The following RAB3C variants were observed in gnomAD, a reference collection of about 807,000 sequenced individuals.
RAB3C encodes the protein RAB3C, member RAS oncogene family.
RAB3C carries 17 observed loss-of-function variants against 26.4 expected under a neutral mutation model. The observed-to-expected ratio is 0.64, with a 90% CI of 0.44 to 0.97. The LOEUF (loss-of-function observed/expected upper bound fraction) is 0.97. RAB3C is among the 50% of genes least tolerant of loss of function. The pLI is 0.00. For synonymous variants in RAB3C, 91 were observed against 95.9 expected, an observed-to-expected ratio of 0.95 and a Z score of 0.30; for missense variants, 242 against 281.9, an observed-to-expected ratio of 0.86 and a Z score of 1.01.
intron 2 of RAB3C, among the ~76,000 whole-genome samples, chr5:58,659,809 C>G (rs1747861215): frequency 6.6e-6 from 1 of 152,176 alleles, no homozygotes; most frequent in East Asian, 1.9e-4. Flanking sequence ...TTTTCTTAAG[C>G]TTGTTTTGTT....
intron 4 of RAB3C, among the ~76,000 whole-genome samples, chr5:58,845,612 A>ATATATATATATATATATATATATG: frequency 1.2e-5 from 1 of 81,742 alleles, no homozygotes; most frequent in African/African-American, 5.8e-5. Flanking sequence ...ATATATATAT[A>ATATATATATATATATATATATATG]TGTGTGTGTG....
chr5:58,685,793 G>T (rs1303155220), intron 2 of RAB3C, among the ~76,000 whole-genome samples: 1 of 152,156 alleles, frequency 6.6e-6, no homozygotes, highest in Non-Finnish European at 1.5e-5. Context: ...TAAGTTCCGT[G>T]TTCTCTAAGG....
intron 2 of RAB3C, among the ~76,000 whole-genome samples, chr5:58,632,997 A>G (rs184076417): frequency 9.8e-5 from 15 of 152,342 alleles, no homozygotes; most frequent in Admixed American, 3.9e-4. Flanking sequence ...AGGTTCTAAT[A>G]CTATCTCTGT....
At chr5:58,637,423 T>C (rs141303437) in intron 2 of RAB3C, among the ~76,000 whole-genome samples, 5 of 152,268 alleles carry the variant, frequency 3.3e-5, no homozygotes, top group African/African-American at 1.2e-4. Flanking sequence ...GCTGGAACAG[T>C]AAAAGATCTG....
chr5:58,807,401 A>G (rs1344843440), intron 3 of RAB3C, among the ~76,000 whole-genome samples: 1 of 152,212 alleles, frequency 6.6e-6, no homozygotes, highest in East Asian at 1.9e-4. Flanking sequence ...TGAAAGCCCC[A>G]TGCTAAGTTG....
chr5:58,781,291 T>C (rs1025038889), intron 3 of RAB3C, among the ~76,000 whole-genome samples: 1 of 152,144 alleles, frequency 6.6e-6, no homozygotes, highest in African/African-American at 2.4e-5. Context: ...GTAGATATGA[T>C]TGGTTAAAAT....
intron 3 of RAB3C, chr5:58,814,809 T>C (rs754662875): frequency 3.3e-5 from 5 of 152,160 alleles, no homozygotes; most frequent in Non-Finnish European, 7.3e-5. Context: ...AAAATAGAAT[T>C]TGACATTTTA....
rs575118198 is a variant in RAB3C at position 58,756,843 on chromosome 5, T to C, written c.371+30723T>C. ...AACATTTTCTTTATCCAGTTTATCA[T>C]TGATGGGCATTTGGGTTGGCTCCAT... On this transcript the variant is annotated intron_variant, in intron 3 of 4. Transcript: ENST00000282878. Among the ~76,000 whole-genome samples the C allele has an allele frequency of 2.5e-3, 380 of 151,910 alleles. 1 individual carries two copies. The highest frequency in any genetic ancestry group is 8.6e-3 in the African/African-American group (355 of 41,386).
intron 1 of RAB3C, among the ~76,000 whole-genome samples, chr5:58,609,431 A>G (rs1309832286): frequency 1.3e-5 from 2 of 152,136 alleles, no homozygotes; most frequent in Non-Finnish European, 2.9e-5. Context: ...TAAAAGGGGG[A>G]TGCTAATGGT....
intron 3 of RAB3C, among the ~76,000 whole-genome samples, chr5:58,805,275 G>C (rs577061271): frequency 3.3e-5 from 5 of 152,152 alleles, no homozygotes; most frequent in African/African-American, 1.2e-4. Context: ...AGAATTAAGA[G>C]CCAAATGGGC....
intron 4 of RAB3C, among the ~76,000 whole-genome samples, chr5:58,841,832 C>T (rs1743882546): frequency 6.6e-6 from 1 of 152,084 alleles, no homozygotes; most frequent in Admixed American, 6.6e-5. Flanking sequence ...TTCAAATCAC[C>T]CTATGTGTGT....
rs899329023 is a variant in RAB3C at position 58,719,029 on chromosome 5, A to G, written c.253-6973A>G. 2.0e-5 allele frequency among the ~76,000 whole-genome samples: 3 copies of G among 152,142 alleles called. No homozygotes were observed. In the East Asian group the frequency reaches 5.8e-4, roughly 29 times the overall value. ...GAGAAGTATTAATGACATTACACAA[A>G]CAACATGGTGTGTAATAATTGAAAT... On this transcript the variant is annotated intron_variant, in intron 2 of 4. Coordinates refer to ENST00000282878, the MANE Select transcript of RAB3C (RefSeq NM_138453.4).
chr5:58,690,313 A>C (rs998627042), intron 2 of RAB3C, among the ~76,000 whole-genome samples: 1 of 152,190 alleles, frequency 6.6e-6, no homozygotes, highest in Non-Finnish European at 1.5e-5. Flanking sequence ...GTAACAAACT[A>C]TACCAAAACT....
chr5:58,737,499 G>T (rs1476524739), intron 3 of RAB3C, among the ~76,000 whole-genome samples: 1 of 142,230 alleles, frequency 7.0e-6, no homozygotes, highest in Admixed American at 7.2e-5. Flanking sequence ...AAGAATGCAG[G>T]CTTCTTGGGA....
At chr5:58,659,450 C>A (rs116561768) in intron 2 of RAB3C, among the ~76,000 whole-genome samples, 1 of 152,112 alleles carries the variant, frequency 6.6e-6, no homozygotes, top group African/African-American at 2.4e-5. Context: ...TTCTCCCTTT[C>A]GCCCCAGAGG....
At chr5:58,635,694 C>T (rs915290488) in intron 2 of RAB3C, among the ~76,000 whole-genome samples, 1 of 152,090 alleles carries the variant, frequency 6.6e-6, no homozygotes, top group Non-Finnish European at 1.5e-5. Flanking sequence ...CATACTTTAC[C>T]TCTAGAGTAG....
intron 3 of RAB3C, among the ~76,000 whole-genome samples, chr5:58,805,155 A>G (rs183111211): frequency 8.5e-5 from 13 of 152,262 alleles, no homozygotes; most frequent in Middle Eastern, 3.4e-3. Context: ...TAAATACTTG[A>G]GAGACTACAA....
intron 3 of RAB3C, among the ~76,000 whole-genome samples, chr5:58,729,250 T>C (rs1421903072): frequency 6.6e-6 from 1 of 152,060 alleles, no homozygotes; most frequent in Non-Finnish European, 1.5e-5. Context: ...TTCTCATTTC[T>C]TTATCGTGGT....
chr5:58,690,632 A>G (rs1405097882), intron 2 of RAB3C, among the ~76,000 whole-genome samples: 1 of 152,136 alleles, frequency 6.6e-6, no homozygotes, highest in Non-Finnish European at 1.5e-5. Context: ...TAGTCTCTCC[A>G]ACAGGGCAAT....
Sources: gnomAD v4.1 joint callset for allele counts (sites outside exome capture counted in the v4.1 genomes callset) on GRCh38, gnomAD v4.1.1 for gene constraint, MANE v1.5 for transcripts, NCBI Gene and HGNC (gene_info 2026-07-23, HGNC 2026-07-21) for gene names.